DHX37: variants seen among roughly 807,000 people sequenced by gnomAD.
DHX37 encodes probable ATP-dependent RNA helicase DHX37.
DHX37 carries 52 observed loss-of-function variants against 134.3 expected under a neutral mutation model. That is an observed-to-expected ratio of 0.39 (90% CI 0.31 to 0.49). DHX37 has a LOEUF of 0.49. DHX37 is among the 20% of genes least tolerant of loss of function. The pLI is 0.93. For synonymous variants in DHX37, 634 were observed against 670.7 expected (o/e 0.95, Z 0.85); for missense variants, 1,344 against 1,580.8 (o/e 0.85, Z 2.54).
In DHX37 at chr12:124,980,366, C is replaced by T. The variant is rs897894257; in HGVS notation, c.738+124G>A. 1.8e-6 allele frequency: 2 copies of T among 1,136,240 alleles called. No individual in the cohort carries two copies. The highest frequency in any genetic ancestry group is 2.4e-6 in the Non-Finnish European group (2 of 824,848). The allele number at this position is 1,136,240 out of a possible 1,614,324, so 70.4% of individuals were successfully genotyped here. On this transcript the variant is annotated intron_variant, in intron 4 of 26. Coordinates refer to ENST00000308736, the MANE Select transcript of DHX37 (RefSeq NM_032656.4). This position sits in a 1 kb window ranked among gnomAD's most constrained non-coding sequence, Gnocchi z 5.3. ...TCAAGGGAGGCGCAGTCACTCTCCCCTTTCCCAGATGGGGACATGGAGGCA... is the reference window on the plus strand; with the variant it reads ...TCAAGGGAGGCGCAGTCACTCTCCCTTTTCCCAGATGGGGACATGGAGGCA...
At chr12:124,965,294 G>A (rs1198442982) in intron 13 of DHX37, among the ~76,000 whole-genome samples, 2 of 152,192 alleles carry the variant, frequency 1.3e-5, no homozygotes, top group South Asian at 2.1e-4. Flanking sequence ...TCCACTCCTC[G>A]TGTCCTGGCA....
rs371896423 is a variant in DHX37 at position 124,947,756 on chromosome 12, C to T, written c.*46G>A. ...CGCACGGTGACAGGCTGCTGCCAGC[C>T]CTCCAGTCCCCAAACCAGTCCTCGG... is the stretch of plus-strand genomic sequence containing the variant. On this transcript the variant is annotated 3_prime_UTR_variant, in exon 27 of 27. Transcript: ENST00000308736. 4.6e-6 allele frequency: 7 copies of T among 1,511,014 alleles called. No homozygotes were observed. The African/African-American group carries it at 8.4e-5, about 18-fold the overall frequency. 93.6% of individuals were successfully genotyped at this position (1,511,014 alleles called of 1,614,324 possible).
At chr12:124,948,553 C>T in intron 25 of DHX37, 1 of 275,924 alleles carries the variant, frequency 3.6e-6, no homozygotes. Context: ...TCGAGACCAG[C>T]CTGGCTAACA....
rs1953941022 is a variant in DHX37 at position 124,949,961 on chromosome 12, G to T, written c.3290+25C>A. On this transcript the variant is annotated intron_variant, in intron 25 of 26. Transcript: ENST00000308736. The surrounding 1 kb of genome is among the most constrained non-coding windows in gnomAD (Gnocchi z 4.0). ...AGGCCTCGGACCCCTCCTGCCCACT[G>T]CGAGGCTCCCACCGAAGGCAGTACC... 6.3e-7 allele frequency: 1 copy of T among 1,592,562 alleles called. No homozygotes were observed. The highest frequency in any genetic ancestry group is 1.3e-5 in the African/African-American group (1 of 74,360).
intron 7 of DHX37, among the ~76,000 whole-genome samples, chr12:124,972,017 C>A (rs903694622): frequency 6.6e-6 from 1 of 152,236 alleles, no homozygotes; most frequent in African/African-American, 2.4e-5. Context: ...CAAGCCCCAG[C>A]GGCCCCTCCC....
intron 16 of DHX37, among the ~76,000 whole-genome samples, chr12:124,958,696 G>A (rs983521264): frequency 3.3e-5 from 5 of 152,004 alleles, no homozygotes; most frequent in South Asian, 2.1e-4. Context: ...GCGTGATCTC[G>A]GCTCACTGCA....
chr12:124,959,143 G>A (rs1246237187), intron 16 of DHX37, among the ~76,000 whole-genome samples: 2 of 145,858 alleles, frequency 1.4e-5, no homozygotes, highest in East Asian at 2.0e-4. Flanking sequence ...GCACAATCTC[G>A]GCCCATTGCA....
At chr12:124,960,485 C>A in intron 15 of DHX37, 62 bp from the exon 16 acceptor site, 1 of 1,582,944 alleles carries the variant, frequency 6.3e-7, no homozygotes, top group Non-Finnish European at 8.6e-7. Flanking sequence ...CAGATGAATA[C>A]AGCCTGGGCA....
Position 124,950,042 on chromosome 12 carries a change from G to C in DHX37, c.3234C>G (p.Ala1078=). ...LLEGQVFRKL[A]SYRSCLLSSP... ...TGGACAGCAGACAGCTCCGGTATGA[G>C]GCCAGCTTGCGGAAGACCTGATGAG... is the stretch of plus-strand genomic sequence containing the variant. Residue 1078 remains alanine (A), a synonymous_variant, in exon 25 of 27, where the codon GCC becomes GCG. Transcript: ENST00000308736. 1 of 1,613,546 alleles carries C rather than the reference G, an allele frequency of 6.2e-7. No individual in the cohort carries two copies. Among genetic ancestry groups the C allele is most frequent in the South Asian group, 1.1e-5 (1 of 90,984 alleles).
intron 15 of DHX37, among the ~76,000 whole-genome samples, chr12:124,961,220 ACACGCACGCACACACACATACACGCGTG>A: frequency 9.5e-6 from 1 of 104,948 alleles, no homozygotes; most frequent in South Asian, 2.7e-4. Context: ...GCACGCACGC[ACACGCACGCACACACACATACACGCGTG>A]CACGCACGCA....
chr12:124,952,740 T>C (rs1256741670), intron 20 of DHX37, 170 bp from the exon 21 acceptor site: 9 of 540,830 alleles, frequency 1.7e-5, no homozygotes, highest in African/African-American at 1.5e-4. Context: ...GCAGGCAGGA[T>C]TGCAGCCGCC....
intron 5 of DHX37, 149 bp from the exon 6 acceptor site, chr12:124,975,660 C>T (rs1954622884): frequency 2.6e-6 from 2 of 764,328 alleles, no homozygotes; most frequent in Non-Finnish European, 4.2e-6. Flanking sequence ...CTACTTTTAA[C>T]AGCAAACGGA....
At chr12:124,967,078 G>A in intron 11 of DHX37, 45 bp downstream of exon 11, 1 of 1,604,070 alleles carries the variant, frequency 6.2e-7, no homozygotes, top group Non-Finnish European at 8.5e-7. Flanking sequence ...GCGAGGCCAA[G>A]CCCAGCTGCT....
At chr12:124,968,709 C>T (rs1954451082) in intron 9 of DHX37, 61 bp from the exon 10 acceptor site, 2 of 1,611,668 alleles carry the variant, frequency 1.2e-6, no homozygotes, top group Admixed American at 1.7e-5. Flanking sequence ...CCCAGGGCTG[C>T]CTTCCCTTTC....
At chr12:124,970,609 C>T (rs1435871834) in intron 8 of DHX37, among the ~76,000 whole-genome samples, 1 of 152,172 alleles carries the variant, frequency 6.6e-6, no homozygotes, top group Non-Finnish European at 1.5e-5. Context: ...CCACTGCCCC[C>T]GGCTTTGTCT....
chr12:124,966,886 A>AG lies in DHX37; in HGVS notation c.1505-9dup, dbSNP rs1566338775. Reference sequence around the variant, plus strand: ...TCTGATCGTCGTCCTTTTCTGGGAGAGGGGCAGGTTGGGGAGAAAGGCGTC... The same window carrying AG: ...TCTGATCGTCGTCCTTTTCTGGGAGAGGGGGCAGGTTGGGGAGAAAGGCGTC... On this transcript the variant is annotated splice_polypyrimidine_tract_variant and intron_variant, in intron 11 of 26. Transcript: ENST00000308736. 16 of 1,613,856 alleles carry AG rather than the reference A, an allele frequency of 9.9e-6. No homozygotes were observed. The highest frequency in any genetic ancestry group is 1.3e-5 in the Non-Finnish European group (15 of 1,179,970).
Position 124,977,482 on chromosome 12 carries a change from C to G in DHX37, c.747G>C (p.Arg249=). Residue 249 remains arginine (R), a synonymous_variant, in exon 5 of 27, where the codon CGG becomes CGC. Transcript: ENST00000308736. ...CTTCGGAGAGAATTGGGAGCTTCAGCCGTTCCTCCTGGAAGGAGAGGAAGT... is the reference window on the plus strand; with the variant it reads ...CTTCGGAGAGAATTGGGAGCTTCAGGCGTTCCTCCTGGAAGGAGAGGAAGT... ...VNRSPEMQEE[R]LKLPILSEEQ... is the part of the protein sequence containing the mutation. 1.9e-6 allele frequency: 3 copies of G among 1,599,416 alleles called. No homozygotes were observed. Among genetic ancestry groups the G allele is most frequent in the Non-Finnish European group, 2.6e-6 (3 of 1,174,350 alleles).
intron 12 of DHX37, among the ~76,000 whole-genome samples, chr12:124,966,316 C>G (rs905112058): frequency 1.3e-5 from 2 of 152,230 alleles, no homozygotes; most frequent in Non-Finnish European, 2.9e-5. Flanking sequence ...GATCCACCTG[C>G]CTCAGTCTCC....
chr12:124,947,175 CCAA>C lies in DHX37; in HGVS notation c.*624_*626del. 1 of 152,514 alleles carries C rather than the reference CCAA, an allele frequency of 6.6e-6. No homozygotes were observed. The highest frequency in any genetic ancestry group is 6.5e-5 in the Admixed American group (1 of 15,314). 9.4% of individuals were successfully genotyped at this position (152,514 alleles called of 1,614,324 possible). On this transcript the variant is annotated 3_prime_UTR_variant, in exon 27 of 27. Coordinates refer to ENST00000308736, the MANE Select transcript of DHX37 (RefSeq NM_032656.4). ...GCATGGCAGCGGTGACCAAGCACAG[CCAA>C]CGTCAGCTCCGCTCCCTGCCGTCTG...
Sources: gnomAD v4.1 joint callset for allele counts (sites outside exome capture counted in the v4.1 genomes callset) on GRCh38, gnomAD v4.1.1 for gene constraint, Gnocchi (gnomAD v3.1) non-coding constraint, MANE v1.5 for transcripts, NCBI Gene and HGNC (gene_info 2026-07-23, HGNC 2026-07-21) for gene names.